Variants in TRAPPC9 observed in about 807,000 individuals in gnomAD.
TRAPPC9 encodes IKK2 binding protein.
In TRAPPC9, 83 loss-of-function variants were observed where a neutral mutation model predicts 124.0. The ratio of observed to expected loss-of-function variants is 0.67; its 90% CI spans 0.56 to 0.80. The LOEUF is 0.80. Among genes scored for constraint, TRAPPC9 ranks in the 30% least tolerant of loss-of-function variants. TRAPPC9 has a pLI of 0.00. For synonymous variants in TRAPPC9, 638 were observed against 617.5 expected (o/e 1.03, Z -0.49); for missense variants, 1,302 against 1,508.3 (o/e 0.86, Z 2.27).
chr8:139,849,084 C>G (rs1238002361), intron 21 of TRAPPC9, among the ~76,000 whole-genome samples: 1 of 152,222 alleles, frequency 6.6e-6, no homozygotes, highest in Non-Finnish European at 1.5e-5. Flanking sequence ...TGCTCAGTGT[C>G]CCCTTGGACT....
intron 19 of TRAPPC9, among the ~76,000 whole-genome samples, chr8:139,911,848 G>A (rs1256755658): frequency 6.6e-6 from 1 of 151,976 alleles, no homozygotes; most frequent in African/African-American, 2.4e-5. Context: ...TGCTGTTAAG[G>A]GGATATAAAG....
intron 20 of TRAPPC9, among the ~76,000 whole-genome samples, chr8:139,900,147 C>T (rs1830928767): frequency 6.6e-6 from 1 of 152,210 alleles, no homozygotes; most frequent in South Asian, 2.1e-4. Context: ...CCATAAGCTC[C>T]CTCACAGCTT....
intron 21 of TRAPPC9, among the ~76,000 whole-genome samples, chr8:139,883,339 T>C (rs374281366): frequency 1.2e-4 from 18 of 152,338 alleles, no homozygotes; most frequent in African/African-American, 4.3e-4. Context: ...CTTTATAAAT[T>C]ACCCAGTTTC....
At chr8:140,115,194 C>T (rs1338784505) in intron 17 of TRAPPC9, among the ~76,000 whole-genome samples, 2 of 152,136 alleles carry the variant, frequency 1.3e-5, no homozygotes, top group Non-Finnish European at 2.9e-5. Context: ...CCACATCCTC[C>T]CATGTAATTT....
intron 10 of TRAPPC9, among the ~76,000 whole-genome samples, chr8:140,304,654 G>C (rs1468398511): frequency 1.3e-5 from 2 of 152,184 alleles, no homozygotes; most frequent in Non-Finnish European, 1.5e-5. Context: ...ACCAGGTGCT[G>C]AGAGCATTAA....
At chr8:140,189,910 G>A (rs554560566) in intron 17 of TRAPPC9, among the ~76,000 whole-genome samples, 285 of 152,258 alleles carry the variant, frequency 1.9e-3, no homozygotes, top group Non-Finnish European at 2.9e-3. Context: ...ATGCCAGTCC[G>A]GGAATAACAG....
At chr8:140,207,616 G>C (rs1268484793) in intron 17 of TRAPPC9, among the ~76,000 whole-genome samples, 4 of 152,218 alleles carry the variant, frequency 2.6e-5, no homozygotes, top group Non-Finnish European at 4.4e-5. Context: ...GTCCCACCTA[G>C]CACTGCAAAG....
chr8:139,774,857 C>T (rs569832688), intron 21 of TRAPPC9, among the ~76,000 whole-genome samples: 3 of 152,320 alleles, frequency 2.0e-5, no homozygotes, highest in South Asian at 4.1e-4. Context: ...TAATCCCTGT[C>T]GATGTCACAC....
intron 17 of TRAPPC9, among the ~76,000 whole-genome samples, chr8:140,208,007 C>T (rs960283110): frequency 3.3e-5 from 5 of 151,952 alleles, no homozygotes; most frequent in African/African-American, 9.7e-5. Flanking sequence ...CAAAATTAGC[C>T]GAGTGTGGTG....
chr8:139,776,897 A>G lies in TRAPPC9; in HGVS notation c.3056-44695T>C, dbSNP rs1446626809. ...ATGGTTACTTTCGCCTAAACCACCAATTGATGACGTGGGGGCTGTGCCTTG... is the reference window on the plus strand; with the variant it reads ...ATGGTTACTTTCGCCTAAACCACCAGTTGATGACGTGGGGGCTGTGCCTTG... On this transcript the variant is annotated intron_variant, in intron 21 of 22. Coordinates refer to ENST00000438773, the MANE Select transcript of TRAPPC9 (RefSeq NM_001160372.4). This position sits in a 1 kb window ranked among gnomAD's most constrained non-coding sequence, Gnocchi z 4.1. 6.6e-6 allele frequency among the ~76,000 whole-genome samples: 1 copy of G among 152,192 alleles called. No homozygotes were observed. Among genetic ancestry groups the G allele is most frequent in the African/African-American group, 2.4e-5 (1 of 41,456 alleles).
At chr8:140,197,878 A>G (rs1254212178) in intron 17 of TRAPPC9, among the ~76,000 whole-genome samples, 1 of 152,224 alleles carries the variant, frequency 6.6e-6, no homozygotes, top group Non-Finnish European at 1.5e-5. Context: ...GGCAGCTCAG[A>G]TGAACTGTCC....
chr8:139,784,608 C>CATAT (rs34583867), intron 21 of TRAPPC9, among the ~76,000 whole-genome samples: 2,075 of 88,438 alleles, frequency 0.023, 48 homozygotes, highest in African/African-American at 0.029. Flanking sequence ...AAAAGACTGA[C>CATAT]ATATATATAT....
chr8:139,732,629 G>A (rs900044751), intron 21 of TRAPPC9, among the ~76,000 whole-genome samples: 13 of 152,342 alleles, frequency 8.5e-5, no homozygotes, highest in Middle Eastern at 6.8e-3. Context: ...AGGCAGGCCC[G>A]AGGTCCCTCT....
rs1415709849 is a variant in TRAPPC9, at chr8:139,830,584, A to G, written c.3055+55295T>C. Among the ~76,000 whole-genome samples, 3 of 151,428 alleles carry G rather than the reference A, an allele frequency of 2.0e-5. No individual in the cohort carries two copies. The East Asian group carries it at 5.8e-4, about 29-fold the overall frequency. On this transcript the variant is annotated intron_variant, in intron 21 of 22. Coordinates refer to ENST00000438773, the MANE Select transcript of TRAPPC9 (RefSeq NM_001160372.4). Reference sequence around the variant, plus strand: ...TGCAAATACACATGCACACACATACACATGCACACACCACACGCATACACC... The same window carrying G: ...TGCAAATACACATGCACACACATACGCATGCACACACCACACGCATACACC...
rs35452775 is a variant in TRAPPC9 at position 140,233,623 on chromosome 8, C to CCACACACACACACACACACA, written c.2432-12060_2432-12041dup. Among the ~76,000 whole-genome samples, 181 of 90,840 alleles carry CCACACACACACACACACACA rather than the reference C, an allele frequency of 2.0e-3. 1 individual carries two copies. Among genetic ancestry groups the CCACACACACACACACACACA allele is most frequent in the Non-Finnish European group, 2.7e-3 (126 of 46,976 alleles). 59.6% of individuals were successfully genotyped at this position (90,840 alleles called of 152,430 possible). A position where few individuals can be genotyped will look rare whatever the true frequency, so the allele number is the denominator to read the frequency against. On this transcript the variant is annotated intron_variant, in intron 16 of 22. Transcript: ENST00000438773. ...CCCTCCCTCCCTCCCTCTCTCCCCA[C>CCACACACACACACACACACA]CACACACACACACACACACACACAC...
At chr8:139,970,251 G>T (rs1234364681) in intron 19 of TRAPPC9, among the ~76,000 whole-genome samples, 1 of 152,228 alleles carries the variant, frequency 6.6e-6, no homozygotes, top group South Asian at 2.1e-4. Flanking sequence ...TGACGCTGGC[G>T]CCCGCAGCAT....
chr8:139,837,183 C>A (rs543955911), intron 21 of TRAPPC9, among the ~76,000 whole-genome samples: 5 of 152,212 alleles, frequency 3.3e-5, no homozygotes, highest in Non-Finnish European at 7.3e-5. Context: ...GGCTGGACTA[C>A]GGTTCTTACC....
chr8:140,418,055 C>T (rs2070005435), intron 5 of TRAPPC9, among the ~76,000 whole-genome samples: 1 of 152,104 alleles, frequency 6.6e-6, no homozygotes, highest in Admixed American at 6.6e-5. Context: ...ACACCAGGGC[C>T]TGTCAGGGAA....
intron 9 of TRAPPC9, among the ~76,000 whole-genome samples, chr8:140,349,298 G>C (rs1160667979): frequency 6.8e-6 from 1 of 147,720 alleles, no homozygotes; most frequent in African/African-American, 2.5e-5. Context: ...GGCACACCAG[G>C]GGGCTGAAGG....
Sources: allele counts gnomAD v4.1 joint callset (sites outside exome capture counted in the v4.1 genomes callset), GRCh38; gene constraint gnomAD v4.1.1; non-coding constraint Gnocchi (gnomAD v3.1); transcripts MANE v1.5; gene names NCBI Gene and HGNC (gene_info 2026-07-23, HGNC 2026-07-21).